The following MAGI2 variants were observed in gnomAD, a reference collection of about 807,000 sequenced individuals.
MAGI2 encodes the protein membrane-associated guanylate kinase, WW and PDZ domain-containing protein 2.
In MAGI2, 35 loss-of-function variants were observed where a neutral mutation model predicts 133.3. The ratio of observed to expected loss-of-function variants is 0.26; its 90% CI spans 0.20 to 0.35. MAGI2 has a LOEUF of 0.35. Among genes scored for constraint, MAGI2 ranks in the 10% least tolerant of loss-of-function variants. The probability of loss-of-function intolerance (pLI) is 1.00; values close to 1 mark genes in which losing one functional copy is unlikely to be tolerated. For synonymous variants in MAGI2, 729 were observed against 710.6 expected (o/e 1.03, Z -0.41); for missense variants, 1,636 against 1,863.4 (o/e 0.88, Z 2.25).
chr7:78,577,268 A>T (rs1406704214), intron 3 of MAGI2, among the ~76,000 whole-genome samples: 1 of 152,218 alleles, frequency 6.6e-6, no homozygotes, highest in Non-Finnish European at 1.5e-5. Flanking sequence ...ATTCTAAAGC[A>T]TGGGAAAGCC....
At chr7:78,378,084 C>T (rs184758190) in intron 6 of MAGI2, among the ~76,000 whole-genome samples, 114 of 151,678 alleles carry the variant, frequency 7.5e-4, no homozygotes, top group African/African-American at 2.6e-3. Flanking sequence ...AGATAGTTGA[C>T]AAAAATGATG....
At chr7:78,486,259 TCTC>T (rs1158406107) in intron 6 of MAGI2, 2 of 151,918 alleles carry the variant, frequency 1.3e-5, no homozygotes, top group Non-Finnish European at 2.9e-5. Context: ...TTAAGCTAAA[TCTC>T]CTGAAAACCA....
chr7:78,811,532 A>ATTCT (rs1356328132), intron 2 of MAGI2, among the ~76,000 whole-genome samples: 3 of 152,206 alleles, frequency 2.0e-5, no homozygotes, highest in African/African-American at 7.2e-5. Flanking sequence ...ATATATTCTT[A>ATTCT]TTCTTTATAA....
intron 2 of MAGI2, among the ~76,000 whole-genome samples, chr7:78,812,653 G>T (rs2151411558): frequency 6.6e-6 from 1 of 151,582 alleles, no homozygotes; most frequent in Non-Finnish European, 1.5e-5. Context: ...GGAATTTATT[G>T]CAGAATAATA....
chr7:78,552,942 T>C (rs1480181685), intron 3 of MAGI2, among the ~76,000 whole-genome samples: 2 of 152,084 alleles, frequency 1.3e-5, no homozygotes, highest in South Asian at 2.1e-4. Flanking sequence ...CCAAGGTCAG[T>C]GAGCTCCAGG....
intron 2 of MAGI2, among the ~76,000 whole-genome samples, chr7:78,849,413 A>G (rs1584138742): frequency 6.6e-6 from 1 of 152,210 alleles, no homozygotes; most frequent in East Asian, 1.9e-4. Flanking sequence ...ATACAATCTA[A>G]TAATTCACCA....
At chr7:79,070,434 G>A (rs1225030106) in intron 1 of MAGI2, among the ~76,000 whole-genome samples, 8 of 150,648 alleles carry the variant, frequency 5.3e-5, no homozygotes, top group African/African-American at 1.5e-4. Context: ...CAAAGTTCTC[G>A]TGTTGTGTTT....
At chr7:79,394,235 T>C (rs1033569580) in intron 1 of MAGI2, among the ~76,000 whole-genome samples, 23 of 152,204 alleles carry the variant, frequency 1.5e-4, no homozygotes, top group African/African-American at 5.5e-4. Flanking sequence ...CTCCTGAACA[T>C]GTGACCTAAC....
chr7:78,872,557 T>C (rs1795115865), intron 2 of MAGI2, among the ~76,000 whole-genome samples: 1 of 151,582 alleles, frequency 6.6e-6, no homozygotes, highest in South Asian at 2.1e-4. Flanking sequence ...TACTGAATAG[T>C]AAAATATTAG....
At chr7:79,123,333 T>C (rs1472017701) in intron 1 of MAGI2, among the ~76,000 whole-genome samples, 2 of 152,182 alleles carry the variant, frequency 1.3e-5, no homozygotes, top group Non-Finnish European at 2.9e-5. Context: ...TGAGGTAAAA[T>C]TTAAAGGATG....
In MAGI2 at chr7:79,257,509, T is replaced by TG. The variant is rs1833775254; in HGVS notation, c.301+195510_301+195511insC. On this transcript the variant is annotated intron_variant, in intron 1 of 21. Transcript: ENST00000354212. The stretch of plus-strand genomic sequence containing the variant: ...TCCAAATACCCTAAACTCACTGGCT[T>TG]AATTTATCAGCTTGAATGGCTCTTT... Among the ~76,000 whole-genome samples, 2 of 152,238 alleles carry TG rather than the reference T, an allele frequency of 1.3e-5. 1 individual carries two copies. The highest frequency in any genetic ancestry group is 4.1e-4 in the South Asian group (2 of 4,834).
intron 2 of MAGI2, among the ~76,000 whole-genome samples, chr7:79,004,431 A>G (rs557345614): frequency 7.2e-4 from 109 of 152,320 alleles, no homozygotes; most frequent in Non-Finnish European, 1.2e-3. Flanking sequence ...TAGAAGGATG[A>G]TAGATAACAG....
intron 3 of MAGI2, among the ~76,000 whole-genome samples, chr7:78,597,840 T>C (rs1050856031): frequency 7.1e-6 from 1 of 141,312 alleles, no homozygotes; most frequent in African/African-American, 2.7e-5. Context: ...TTCCAGAATC[T>C]TTGTTGCATC....
At chr7:78,716,787 G>T (rs1490831040) in intron 2 of MAGI2, among the ~76,000 whole-genome samples, 1 of 152,108 alleles carries the variant, frequency 6.6e-6, no homozygotes, top group Non-Finnish European at 1.5e-5. Context: ...TGTTTATGAG[G>T]ATGTAAGACC....
At chr7:78,148,467 T>C (rs898604758) in intron 16 of MAGI2, among the ~76,000 whole-genome samples, 7 of 152,102 alleles carry the variant, frequency 4.6e-5, no homozygotes, top group Non-Finnish European at 8.8e-5. Context: ...AACTTTACTA[T>C]ATAGAAATTA....
At position 78,019,513 on chromosome 7, in the gene MAGI2, G is replaced by A; in HGVS notation, c.4170C>T (p.Ala1390=). Residue 1390 remains alanine, a synonymous_variant, in exon 22 of 22, where the codon GCC becomes GCT. Coordinates refer to ENST00000354212, the MANE Select transcript of MAGI2 (RefSeq NM_012301.4). ...REGPGAAPAF[A]GPGGGGSGAL... ...CGCCGCTGCCGCCGCCGCCCGGGCC[G>A]GCAAACGCCGGCGCAGCCCCCGGGC... is the stretch of plus-strand genomic sequence containing the variant. 1.0e-6 allele frequency: 1 copy of A among 980,200 alleles called. No individual in the cohort carries two copies. The highest frequency in any genetic ancestry group is 1.2e-6 in the Non-Finnish European group (1 of 828,170). The allele number at this position is 980,200 out of a possible 1,614,324, so 60.7% of individuals were successfully genotyped here. A position where few individuals can be genotyped will look rare whatever the true frequency, so the allele number is the denominator to read the frequency against.
chr7:78,330,420 A>C (rs2109394), intron 9 of MAGI2, among the ~76,000 whole-genome samples: 43,496 of 94,604 alleles, frequency 0.46, 17,361 homozygotes, highest in East Asian at 0.71. Context: ...GATCGAGACC[A>C]TCCTGGCTAA....
intron 1 of MAGI2, among the ~76,000 whole-genome samples, chr7:79,145,653 T>A (rs1043087785): frequency 1.3e-5 from 2 of 152,208 alleles, no homozygotes; most frequent in African/African-American, 4.8e-5. Context: ...TCACATTGTC[T>A]GTTTTTAAAA....
chr7:78,534,407 G>C (rs903181818), intron 3 of MAGI2, among the ~76,000 whole-genome samples: 1 of 152,222 alleles, frequency 6.6e-6, no homozygotes, highest in African/African-American at 2.4e-5. Context: ...CTTGTCCTAA[G>C]TAATTTTCTA....
Sources: allele counts gnomAD v4.1 joint callset (sites outside exome capture counted in the v4.1 genomes callset), GRCh38; gene constraint gnomAD v4.1.1; transcripts MANE v1.5; gene names NCBI Gene and HGNC (gene_info 2026-07-23, HGNC 2026-07-21).